Variants in TCF7L2 observed in about 807,000 individuals in gnomAD.
The protein encoded by TCF7L2 is transcription factor 7 like 2, also known as transcription factor 7-like 2.
TCF7L2 carries 23 observed loss-of-function variants against 77.9 expected under a neutral mutation model. The observed-to-expected ratio is 0.30, with a 90% CI of 0.21 to 0.42. The LOEUF is 0.42. TCF7L2 is among the 10% of genes least tolerant of loss of function. The pLI is 1.00. For missense variants in TCF7L2, 654 were observed against 793.1 expected, an observed-to-expected ratio of 0.82 and a Z score of 2.11; for synonymous variants, 413 against 340.2, an observed-to-expected ratio of 1.21 and a Z score of -2.36.
chr10:113,059,343 C>T (rs1020643623), intron 5 of TCF7L2, among the ~76,000 whole-genome samples: 1 of 149,560 alleles, frequency 6.7e-6, no homozygotes, highest in Non-Finnish European at 1.5e-5. Flanking sequence ...GTCCTCCTCC[C>T]ACCCCCCACC....
At chr10:113,108,661 C>T (rs897686258) in intron 5 of TCF7L2, among the ~76,000 whole-genome samples, 3 of 152,196 alleles carry the variant, frequency 2.0e-5, no homozygotes, top group African/African-American at 7.2e-5. Flanking sequence ...CGGGGCGCCC[C>T]CTGCAGTATG....
chr10:113,031,956 G>A (rs2050297949), intron 4 of TCF7L2, among the ~76,000 whole-genome samples: 2 of 152,202 alleles, frequency 1.3e-5, no homozygotes, highest in South Asian at 4.1e-4. Flanking sequence ...AGTAGAAAGA[G>A]TTTTAGATCA....
chr10:113,141,083 G>A (rs2068291444), intron 5 of TCF7L2, 101 bp from the exon 6 acceptor site: 1 of 1,474,480 alleles, frequency 6.8e-7, no homozygotes, highest in Non-Finnish European at 9.3e-7. Flanking sequence ...GAAAATCCAG[G>A]TGAGAGGCTG....
In TCF7L2 at chr10:113,147,586, C is replaced by T. The variant is rs149982519; in HGVS notation, c.875+1489C>T. ...TTATTAAATAGTGTCATCACAGCCT[C>T]GCAAAGCATGGGAATGAGTAGGGGG... On this transcript the variant is annotated intron_variant, in intron 8 of 13. Transcript: ENST00000627217. Among the ~76,000 whole-genome samples, 336 of 152,256 alleles carry T rather than the reference C, an allele frequency of 2.2e-3. 14 individuals are homozygous for T. In the East Asian group the frequency reaches 0.054, roughly 25 times the overall value.
At chr10:113,129,933 C>T (rs1199272497) in intron 5 of TCF7L2, 16 of 1,294,144 alleles carry the variant, frequency 1.2e-5, no homozygotes, top group East Asian at 5.4e-5. Context: ...CAGTGGCCTC[C>T]GGGGTCTCTC....
At chr10:113,135,288 C>T (rs2067228830) in intron 5 of TCF7L2, among the ~76,000 whole-genome samples, 1 of 152,152 alleles carries the variant, frequency 6.6e-6, no homozygotes, top group Non-Finnish European at 1.5e-5. Context: ...GGGGCGCCTC[C>T]CCCTCCCCAT....
chr10:113,115,336 A>G (rs1591874819), intron 5 of TCF7L2, among the ~76,000 whole-genome samples: 1 of 152,262 alleles, frequency 6.6e-6, no homozygotes, highest in Non-Finnish European at 1.5e-5. Context: ...AAAGAATTTC[A>G]TACCAAATAT....
intron 4 of TCF7L2, among the ~76,000 whole-genome samples, chr10:113,039,127 C>T (rs1370754914): frequency 6.6e-6 from 1 of 152,136 alleles, no homozygotes; most frequent in African/African-American, 2.4e-5. Flanking sequence ...AGTTAAATGC[C>T]TAAGAGTTTC....
At chr10:113,126,367 A>G (rs758461750) in intron 5 of TCF7L2, among the ~76,000 whole-genome samples, 34 of 152,156 alleles carry the variant, frequency 2.2e-4, no homozygotes, top group African/African-American at 8.0e-4. Context: ...CCTTCTCTGA[A>G]TGGCATCAGA....
rs1380734706 is a variant in TCF7L2, at chr10:113,025,949, G to A, written c.451-14076G>A. On this transcript the variant is annotated intron_variant, in intron 4 of 13. Coordinates refer to ENST00000627217, the MANE Select transcript of TCF7L2 (RefSeq NM_001146274.2). The stretch of plus-strand genomic sequence containing the variant: ...GTGGAGTGACAGTGGTGCTATCTCG[G>A]CTCACTGCAACCTCTGCCTCCCGGG... Among the ~76,000 whole-genome samples the A allele has an allele frequency of 5.3e-5, 8 of 151,916 alleles. No individual in the cohort carries two copies. The East Asian group carries it at 1.4e-3, about 26-fold the overall frequency.
chr10:112,964,460 T>G, intron 3 of TCF7L2, 96 bp from the exon 4 acceptor site: 1 of 1,096,328 alleles, frequency 9.1e-7, no homozygotes, highest in African/African-American at 1.5e-5. Flanking sequence ...TGCAGTTCAA[T>G]CTAGGAAGGT....
intron 5 of TCF7L2, among the ~76,000 whole-genome samples, chr10:113,092,475 C>T (rs2135695408): frequency 6.6e-6 from 1 of 152,306 alleles, no homozygotes; most frequent in Non-Finnish European, 1.5e-5. Flanking sequence ...GGAATCACAA[C>T]CTGATGGTGT....
intron 13 of TCF7L2, among the ~76,000 whole-genome samples, chr10:113,164,144 T>C (rs1161806171): frequency 2.6e-5 from 4 of 152,166 alleles, no homozygotes; most frequent in African/African-American, 9.7e-5. Flanking sequence ...ATTAGTGGGG[T>C]TGATCCCCAG....
chr10:113,150,971 C>T (rs201016695), intron 8 of TCF7L2, 27 bp from the exon 9 acceptor site: 87 of 1,612,638 alleles, frequency 5.4e-5, no homozygotes, highest in Non-Finnish European at 2.9e-5. Context: ...TTGATTCTGA[C>T]GATTTACACA....
chr10:113,036,445 CA>C (rs1291923118), intron 4 of TCF7L2, among the ~76,000 whole-genome samples: 1 of 152,100 alleles, frequency 6.6e-6, no homozygotes, highest in African/African-American at 2.4e-5. Context: ...TAGAGATGCT[CA>C]CCTTTTTCTT....
At chr10:113,125,258 C>A (rs1592033298) in intron 5 of TCF7L2, among the ~76,000 whole-genome samples, 1 of 150,844 alleles carries the variant, frequency 6.6e-6, no homozygotes, top group Admixed American at 6.6e-5. Context: ...AAAAAAAAGT[C>A]GTCTTTTTCT....
intron 5 of TCF7L2, among the ~76,000 whole-genome samples, chr10:113,043,328 A>C (rs2052788296): frequency 1.3e-5 from 2 of 152,238 alleles, no homozygotes; most frequent in Non-Finnish European, 2.9e-5. Flanking sequence ...ACCACATTAG[A>C]AACGATTGAT....
intron 3 of TCF7L2, among the ~76,000 whole-genome samples, chr10:112,952,070 C>T (rs2031774094): frequency 6.6e-6 from 1 of 152,126 alleles, no homozygotes; most frequent in African/African-American, 2.4e-5. Flanking sequence ...CCCGGTTAAC[C>T]CCTTGGCTGC....
chr10:113,041,898 G>A (rs1234643064), intron 5 of TCF7L2, among the ~76,000 whole-genome samples: 2 of 152,266 alleles, frequency 1.3e-5, no homozygotes, highest in South Asian at 2.1e-4. Context: ...TACAGAGAAA[G>A]GACATTATCT....
Sources: allele counts gnomAD v4.1 joint callset (sites outside exome capture counted in the v4.1 genomes callset), GRCh38; gene constraint gnomAD v4.1.1; transcripts MANE v1.5; gene names NCBI Gene and HGNC (gene_info 2026-07-23, HGNC 2026-07-21).